MEI4: variants seen among roughly 807,000 people sequenced by gnomAD.
MEI4 encodes meiotic double-stranded break formation protein 4, also known as meiosis-specific protein MEI4.
Under a neutral mutation model 31.4 loss-of-function variants are expected in MEI4, and 27 were observed. The ratio of observed to expected loss-of-function variants is 0.86; its 90% CI spans 0.63 to 1.19. The LOEUF (loss-of-function observed/expected upper bound fraction) is 1.19. MEI4 is among the 50% of genes most tolerant of loss of function. The pLI, the probability that MEI4 is intolerant of heterozygous loss-of-function variation, is 0.00. For synonymous variants in MEI4, 122 were observed against 145.4 expected (o/e 0.84, Z 1.16); for missense variants, 329 against 398.9 (o/e 0.82, Z 1.49).
intron 3 of MEI4, among the ~76,000 whole-genome samples, chr6:77,763,415 C>T (rs1356259270): frequency 3.9e-5 from 6 of 152,088 alleles, no homozygotes; most frequent in East Asian, 1.9e-4. Context: ...GGTTGCCCTT[C>T]GTGTTTATTT....
chr6:77,748,496 G>A (rs750022314), intron 2 of MEI4, among the ~76,000 whole-genome samples: 1 of 152,170 alleles, frequency 6.6e-6, no homozygotes, highest in Non-Finnish European at 1.5e-5. Flanking sequence ...CAAGTCCCTA[G>A]GCTGCACAGA....
intron 2 of MEI4, among the ~76,000 whole-genome samples, chr6:77,748,936 A>G (rs1767690986): frequency 6.6e-6 from 1 of 152,150 alleles, no homozygotes; most frequent in Non-Finnish European, 1.5e-5. Context: ...ACAGGCAGCA[A>G]TCTTTGCTGT....
chr6:77,831,586 A>G (rs1469421528), intron 4 of MEI4, among the ~76,000 whole-genome samples: 1 of 151,680 alleles, frequency 6.6e-6, no homozygotes, highest in Non-Finnish European at 1.5e-5. Context: ...CATAAAAAGA[A>G]TGAAATCTCA....
At chr6:77,751,765 A>T (rs1767781273) in intron 2 of MEI4, among the ~76,000 whole-genome samples, 1 of 152,208 alleles carries the variant, frequency 6.6e-6, no homozygotes, top group Non-Finnish European at 1.5e-5. Flanking sequence ...AACTCATTTT[A>T]TGAGGCCAGC....
chr6:77,913,835 C>T (rs570102793), intron 4 of MEI4, among the ~76,000 whole-genome samples: 6 of 151,060 alleles, frequency 4.0e-5, no homozygotes, highest in African/African-American at 1.5e-4. Context: ...AGATTGAGAC[C>T]ATCCTGGCTA....
chr6:77,690,721 T>C lies in MEI4; in HGVS notation c.50T>C (p.Leu17Ser). 2 of 1,231,552 alleles carry C rather than the reference T, an allele frequency of 1.6e-6. No homozygotes were observed. Among genetic ancestry groups the C allele is most frequent in the Non-Finnish European group, 2.0e-6 (2 of 987,400 alleles). The allele number at this position is 1,231,552 out of a possible 1,614,324, so 76.3% of individuals were successfully genotyped here. The change falls in exon 2 of 5, where the codon TTG becomes TCG. Residue 17 changes from leucine to serine, a missense_variant. Coordinates refer to ENST00000684080, the MANE Select transcript of MEI4 (RefSeq NM_001322247.2). ...AGAACTTCAAAGCTGGCTCTGGCCT[T>C]GGCAATTATCCGCTCAAAACCAGCA... Reference protein sequence around the residue: ...YLRTSKLALALAIIRSKPADK... With the variant: ...YLRTSKLALASAIIRSKPADK...
At chr6:77,741,611 GTTTT>G (rs1028379453) in intron 2 of MEI4, among the ~76,000 whole-genome samples, 3 of 152,038 alleles carry the variant, frequency 2.0e-5, no homozygotes, top group African/African-American at 7.2e-5. Flanking sequence ...CATTCTGTGT[GTTTT>G]TTAATTTTAA....
At chr6:77,701,468 C>G (rs1332679856) in intron 2 of MEI4, among the ~76,000 whole-genome samples, 1 of 152,018 alleles carries the variant, frequency 6.6e-6, no homozygotes, top group Admixed American at 6.6e-5. Flanking sequence ...TATTATATTA[C>G]ACGGTCATTT....
At position 77,772,674 on chromosome 6, in the gene MEI4, T is replaced by C. The variant is rs538083521; in HGVS notation, c.768+11009T>C. ...TAAGATCTGGAAGACAACAAGGATA[T>C]GCACTTCAACATAGTATTGGAAATT... is the stretch of plus-strand genomic sequence containing the variant. On this transcript the variant is annotated intron_variant, in intron 3 of 4. Transcript: ENST00000684080. 4.6e-5 allele frequency among the ~76,000 whole-genome samples: 7 copies of C among 152,040 alleles called. No homozygotes were observed. The South Asian group carries it at 1.4e-3, about 31-fold the overall frequency.
At chr6:77,856,017 A>G (rs990200949) in intron 4 of MEI4, among the ~76,000 whole-genome samples, 1 of 152,138 alleles carries the variant, frequency 6.6e-6, no homozygotes, top group Non-Finnish European at 1.5e-5. Flanking sequence ...GTTTTCTCCT[A>G]ATAAAATTTT....
At chr6:77,879,241 G>A (rs1337821827) in intron 4 of MEI4, among the ~76,000 whole-genome samples, 1 of 152,030 alleles carries the variant, frequency 6.6e-6, no homozygotes, top group Non-Finnish European at 1.5e-5. Context: ...CTGTTTATAT[G>A]CTGTGAACAT....
intron 3 of MEI4, among the ~76,000 whole-genome samples, chr6:77,818,693 C>T (rs1482122129): frequency 1.3e-5 from 2 of 151,912 alleles, no homozygotes; most frequent in East Asian, 3.9e-4. Context: ...CCTAATTTTA[C>T]CTATTCGTAC....
At chr6:77,768,723 C>T (rs1768237067) in intron 3 of MEI4, among the ~76,000 whole-genome samples, 1 of 151,382 alleles carries the variant, frequency 6.6e-6, no homozygotes, top group South Asian at 2.1e-4. Context: ...AAATTACAGA[C>T]AGCAACAGGA....
rs1490757779 is a variant in MEI4, at chr6:77,678,481, A to G, written c.-14-12177A>G. On this transcript the variant is annotated intron_variant, in intron 1 of 4. Coordinates refer to ENST00000684080, the MANE Select transcript of MEI4 (RefSeq NM_001322247.2). ...AATGTTTCAGTCAATGACAGAGTGC[A>G]TTTACAGGGGTGGTCTCATAAGATT... 2.6e-5 allele frequency among the ~76,000 whole-genome samples: 4 copies of G among 152,144 alleles called. No individual in the cohort carries two copies. The South Asian group carries it at 6.2e-4, about 24-fold the overall frequency.
At chr6:77,737,284 T>G (rs1051487542) in intron 2 of MEI4, among the ~76,000 whole-genome samples, 3 of 152,228 alleles carry the variant, frequency 2.0e-5, no homozygotes, top group Non-Finnish European at 2.9e-5. Context: ...TGTTTAGAAT[T>G]GTTTGGGAGA....
intron 4 of MEI4, among the ~76,000 whole-genome samples, chr6:77,890,241 GA>G (rs1464147146): frequency 2.0e-5 from 3 of 152,170 alleles, no homozygotes; most frequent in Non-Finnish European, 4.4e-5. Context: ...AAGCAGCTGG[GA>G]GGGGAGCTAT....
intron 2 of MEI4, among the ~76,000 whole-genome samples, chr6:77,751,166 G>A (rs1767763166): frequency 6.6e-6 from 1 of 151,978 alleles, no homozygotes; most frequent in African/African-American, 2.4e-5. Context: ...GAGAAAGCAG[G>A]AAAGATCTAA....
At chr6:77,768,305 T>G (rs1768224996) in intron 3 of MEI4, among the ~76,000 whole-genome samples, 1 of 152,226 alleles carries the variant, frequency 6.6e-6, no homozygotes, top group Admixed American at 6.5e-5. Context: ...AAGAAAATAT[T>G]CATTGGTAAT....
intron 3 of MEI4, among the ~76,000 whole-genome samples, chr6:77,804,362 T>C (rs1228030974): frequency 1.3e-5 from 2 of 152,172 alleles, no homozygotes; most frequent in Non-Finnish European, 2.9e-5. Context: ...CACCCCTTTC[T>C]TTGATTAGGA....
Sources: gnomAD v4.1 joint callset for allele counts (sites outside exome capture counted in the v4.1 genomes callset) on GRCh38, gnomAD v4.1.1 for gene constraint, MANE v1.5 for transcripts, NCBI Gene and HGNC (gene_info 2026-07-23, HGNC 2026-07-21) for gene names.